The following SOS2 variants were observed in gnomAD, a reference collection of about 807,000 sequenced individuals.
The protein encoded by SOS2 is son of sevenless homolog 2.
SOS2 carries 65 observed loss-of-function variants against 148.2 expected under a neutral mutation model. The ratio of observed to expected loss-of-function variants is 0.44; its 90% confidence interval spans 0.36 to 0.54. The LOEUF (loss-of-function observed/expected upper bound fraction) is 0.54, where lower values mean the gene tolerates loss of function less well. SOS2 is among the 20% of genes least tolerant of loss of function. The pLI is 0.00. For synonymous variants in SOS2, 539 were observed against 537.1 expected (o/e 1.00, Z -0.05); for missense variants, 1,341 against 1,590.2 (o/e 0.84, Z 2.67).
intron 22 of SOS2, among the ~76,000 whole-genome samples, chr14:50,119,512 G>A (rs1883425749): frequency 6.6e-6 from 1 of 152,088 alleles, no homozygotes; most frequent in South Asian, 2.1e-4. Flanking sequence ...TGTACTTCCA[G>A]CCTCTTTTTT....
intron 21 of SOS2, among the ~76,000 whole-genome samples, chr14:50,126,459 T>C (rs1287655574): frequency 4.6e-5 from 7 of 152,264 alleles, no homozygotes; most frequent in African/African-American, 7.2e-5. Context: ...AAACATCAGA[T>C]TGTACCCCAT....
At position 50,174,525 on chromosome 14, in the gene SOS2, C is replaced by T. The variant is rs778569253; in HGVS notation, c.997G>A (p.Val333Ile). Residue 333 changes from valine to isoleucine, a missense_variant, in exon 8 of 23, where the codon GTT becomes ATT. By Grantham distance (29) the Val-to-Ile change is conservative. This residue lies in a region of SOS2 where 574 missense variants were observed against 711.1 expected (regional missense o/e 0.81). Transcript: ENST00000216373. ...ATAAGACGTGGAAGGACATAACGAA[C>T]TGCCTCTTTAAAACCATCAGCAATG... ...QSIADGFKEAVRYVLPRLMLV... is the reference protein window; with the variant it reads ...QSIADGFKEAIRYVLPRLMLV... 3 of 1,609,318 alleles carry T rather than the reference C, an allele frequency of 1.9e-6. No individual in the cohort carries two copies. The East Asian group carries it at 6.7e-5, about 36-fold the overall frequency.
intron 5 of SOS2, among the ~76,000 whole-genome samples, chr14:50,184,435 T>C (rs1442789903): frequency 6.6e-6 from 1 of 152,186 alleles, no homozygotes; most frequent in East Asian, 1.9e-4. Flanking sequence ...GTGATAATAA[T>C]GTCTTTTGTT....
chr14:50,166,347 C>A (rs961852248), intron 8 of SOS2, among the ~76,000 whole-genome samples: 9 of 152,068 alleles, frequency 5.9e-5, no homozygotes, highest in African/African-American at 2.2e-4. Context: ...CTTAACCCCC[C>A]AACCCCTGAG....
intron 5 of SOS2, among the ~76,000 whole-genome samples, chr14:50,186,308 A>G (rs1472319815): frequency 6.6e-6 from 1 of 152,214 alleles, no homozygotes; most frequent in Non-Finnish European, 1.5e-5. Flanking sequence ...GTGAAAAGAG[A>G]CCCATAAAAA....
Position 50,117,163 on chromosome 14 carries a change from CTTG to C in SOS2, c.*1178_*1180del, listed in dbSNP as rs929092936. ...ATTAAGACTGGGGTGATTTATTAAT[CTTG>C]TTAAGAACTCTGATACAAAGCACAG... On this transcript the variant is annotated 3_prime_UTR_variant, in exon 23 of 23. Coordinates refer to ENST00000216373, the MANE Select transcript of SOS2 (RefSeq NM_006939.4). 2 of 152,258 alleles carry C rather than the reference CTTG, an allele frequency of 1.3e-5. No individual in the cohort carries two copies. Among genetic ancestry groups the C allele is most frequent in the South Asian group, 4.1e-4 (2 of 4,832 alleles). 9.4% of individuals were successfully genotyped at this position (152,258 alleles called of 1,614,324 possible). A position where few individuals can be genotyped will look rare whatever the true frequency, so the allele number is the denominator to read the frequency against.
At chr14:50,179,222 G>C (rs1416365949) in intron 7 of SOS2, among the ~76,000 whole-genome samples, 1 of 151,984 alleles carries the variant, frequency 6.6e-6, no homozygotes, top group East Asian at 1.9e-4. Flanking sequence ...AAGACAATTG[G>C]CTGCAAAGAA....
intron 19 of SOS2, among the ~76,000 whole-genome samples, chr14:50,131,578 A>T (rs566987913): frequency 5.6e-4 from 83 of 149,514 alleles, no homozygotes; most frequent in Middle Eastern, 3.5e-3. Context: ...ATACTCAAAC[A>T]TATCTAGTTT....
chr14:50,161,125 T>C (rs1473002157), intron 9 of SOS2, among the ~76,000 whole-genome samples: 1 of 152,006 alleles, frequency 6.6e-6, no homozygotes, highest in Non-Finnish European at 1.5e-5. Context: ...AAACCCCGTC[T>C]CTACTAAAAA....
intron 1 of SOS2, among the ~76,000 whole-genome samples, 182 bp from the exon 2 acceptor site, chr14:50,204,591 T>C (rs1886602548): frequency 6.6e-6 from 1 of 152,144 alleles, no homozygotes; most frequent in South Asian, 2.1e-4. Flanking sequence ...AGAGCAGTGG[T>C]TCTTAAGCAT....
intron 1 of SOS2, chr14:50,215,485 T>A: frequency 8.1e-7 from 1 of 1,242,062 alleles, no homozygotes; most frequent in Non-Finnish European, 1.0e-6. Context: ...TTGCCTATCA[T>A]ATTTTTTGAA....
intron 9 of SOS2, 87 bp from the exon 10 acceptor site, chr14:50,160,173 A>T (rs1448008362): frequency 1.0e-6 from 1 of 1,004,594 alleles, no homozygotes; most frequent in East Asian, 2.5e-5. Flanking sequence ...AGTGAGTAAA[A>T]TATTAAATAA....
chr14:50,192,891 T>C lies in SOS2; in HGVS notation c.511-4191A>G, dbSNP rs574321869. ...AAGGAAAAAAAAAAGTATAATTCAA[T>C]AGGTTAAAAACAAAAGAAAGAAAAT... On this transcript the variant is annotated intron_variant, in intron 4 of 22. Coordinates refer to ENST00000216373, the MANE Select transcript of SOS2 (RefSeq NM_006939.4). 4.6e-4 allele frequency among the ~76,000 whole-genome samples: 70 copies of C among 151,994 alleles called. 2 individuals carry two copies. Among genetic ancestry groups the C allele is most frequent in the African/African-American group, 1.7e-3 (69 of 41,478 alleles).
chr14:50,146,235 A>G (rs1169693146), intron 14 of SOS2, among the ~76,000 whole-genome samples: 1 of 152,180 alleles, frequency 6.6e-6, no homozygotes, highest in African/African-American at 2.4e-5. Context: ...GTAAAAATTG[A>G]TACAACCATT....
intron 1 of SOS2, among the ~76,000 whole-genome samples, chr14:50,211,389 A>G (rs989407096): frequency 6.6e-6 from 1 of 151,964 alleles, no homozygotes; most frequent in Admixed American, 6.6e-5. Flanking sequence ...ACCTAGGTAT[A>G]TTGTGTCATG....
chr14:50,132,627 C>T (rs910582578), intron 19 of SOS2, among the ~76,000 whole-genome samples: 7 of 152,050 alleles, frequency 4.6e-5, no homozygotes, highest in Non-Finnish European at 7.4e-5. Flanking sequence ...CACCACTGTA[C>T]TCCAGCCTGG....
chr14:50,218,149 A>AG (rs1475284644), intron 1 of SOS2, among the ~76,000 whole-genome samples: 2 of 150,610 alleles, frequency 1.3e-5, no homozygotes, highest in African/African-American at 2.4e-5. Context: ...CAAAAAAAAA[A>AG]AAAGAAAGAA....
At chr14:50,188,823 G>C (rs1055009943) in intron 4 of SOS2, 123 bp from the exon 5 acceptor site, 2 of 670,082 alleles carry the variant, frequency 3.0e-6, no homozygotes, top group Non-Finnish European at 2.4e-6. Context: ...AGCACTTTGG[G>C]AGGCCAAGGC....
Position 50,231,469 on chromosome 14 carries a change from G to GCCGAGGCGGCCCTCGCCTC in SOS2, c.-205_-187dup, listed in dbSNP as rs1887545265. Reference sequence around the variant, plus strand: ...GGAGACCCCGGGGTCGGCTTCCTCCGCCGAGGCGGCCCTCGCCTCCCGCAG... The same window carrying GCCGAGGCGGCCCTCGCCTC: ...GGAGACCCCGGGGTCGGCTTCCTCCGCCGAGGCGGCCCTCGCCTCCCGAGGCGGCCCTCGCCTCCCGCAG... On this transcript the variant is annotated 5_prime_UTR_variant, in exon 1 of 23. Transcript: ENST00000216373. 6.6e-6 allele frequency: 1 copy of GCCGAGGCGGCCCTCGCCTC among 150,854 alleles called. No individual in the cohort carries two copies. Among genetic ancestry groups the GCCGAGGCGGCCCTCGCCTC allele is most frequent in the African/African-American group, 2.4e-5 (1 of 41,156 alleles). 9.3% of individuals were successfully genotyped at this position (150,854 alleles called of 1,614,324 possible).
Sources: gnomAD v4.1 joint callset for allele counts (sites outside exome capture counted in the v4.1 genomes callset) on GRCh38, gnomAD v4.1.1 for gene constraint, gnomAD v4.1.1 regional missense constraint, MANE v1.5 for transcripts, NCBI Gene and HGNC (gene_info 2026-07-23, HGNC 2026-07-21) for gene names.